Variants in DLG4 observed in about 807,000 individuals in gnomAD.
DLG4 encodes discs large MAGUK scaffold protein 4, also known as disks large homolog 4.
In DLG4, 7 loss-of-function variants were observed where a neutral mutation model predicts 93.8. The ratio of observed to expected loss-of-function variants is 0.07; its 90% CI spans 0.04 to 0.14. The LOEUF is 0.14. Among genes scored for constraint, DLG4 ranks in the 10% least tolerant of loss-of-function variants. DLG4 has a pLI of 1.00. For synonymous variants in DLG4, 341 were observed against 387.6 expected (o/e 0.88, Z 1.41); for missense variants, 545 against 992.9 (o/e 0.55, Z 6.06).
chr17:7,212,031 A>T (rs372474416), intron 1 of DLG4, among the ~76,000 whole-genome samples: 1 of 151,792 alleles, frequency 6.6e-6, no homozygotes, highest in East Asian at 1.9e-4. Context: ...GTTCTCAGGG[A>T]CCCCTTATTC....
chr17:7,196,685 C>A lies in DLG4; in HGVS notation c.1083+72G>T, dbSNP rs2069805927. Reference sequence around the variant, plus strand: ...AGGACTCGGCTGCAGCCCATCCAGGCCCCTCCCCAAGAGCTCTGCGCTCTG... The same window carrying A: ...AGGACTCGGCTGCAGCCCATCCAGGACCCTCCCCAAGAGCTCTGCGCTCTG... On this transcript the variant is annotated intron_variant, in intron 9 of 19. Transcript: ENST00000399506. This position sits in a 1 kb window ranked among gnomAD's most constrained non-coding sequence, Gnocchi z 8.3. The A allele has an allele frequency of 1.3e-6, 2 of 1,579,840 alleles. No individual in the cohort carries two copies. Among genetic ancestry groups the A allele is most frequent in the African/African-American group, 1.3e-5 (1 of 74,242 alleles).
intron 2 of DLG4, among the ~76,000 whole-genome samples, chr17:7,205,322 C>T (rs1039772040): frequency 1.3e-5 from 2 of 152,194 alleles, no homozygotes; most frequent in African/African-American, 4.8e-5. Context: ...CCAGGCGGGG[C>T]CCGCTTTAGC....
chr17:7,192,052 G>A (rs777435579), intron 17 of DLG4, 50 bp from the exon 18 acceptor site: 1 of 1,127,470 alleles, frequency 8.9e-7, no homozygotes, highest in South Asian at 1.9e-5. Flanking sequence ...GGCGAGAAAG[G>A]ACAGAGAGCA....
intron 8 of DLG4, among the ~76,000 whole-genome samples, chr17:7,197,796 T>C (rs2069877318): frequency 6.6e-6 from 1 of 152,102 alleles, no homozygotes; most frequent in African/African-American, 2.4e-5. Context: ...ATGAGGGAAA[T>C]TCTAACAGGG....
upstream of DLG4, chr17:7,218,791 G>C (rs781265872): frequency 6.2e-7 from 1 of 1,612,314 alleles, no homozygotes; most frequent in Admixed American, 1.7e-5. Context: ...CCCCCACTTC[G>C]CTCCCAGACC....
chr17:7,205,011 T>A, intron 2 of DLG4: 1 of 985,228 alleles, frequency 1.0e-6, no homozygotes, highest in Non-Finnish European at 1.2e-6. Flanking sequence ...ACCAAACTCC[T>A]GAGCGCAGAA....
At chr17:7,210,516 G>A (rs919585257) in intron 1 of DLG4, among the ~76,000 whole-genome samples, 2 of 152,228 alleles carry the variant, frequency 1.3e-5, no homozygotes, top group African/African-American at 4.8e-5. Context: ...CCAAGGCTGA[G>A]CTGTCTTGAA....
In DLG4 at chr17:7,193,469, G is replaced by T. The variant is rs371937532; in HGVS notation, c.1693+14C>A. On this transcript the variant is annotated intron_variant, in intron 16 of 19. Transcript: ENST00000399506. The surrounding 1 kb of genome is among the most constrained non-coding windows in gnomAD (Gnocchi z 6.7). ...ACTTCCACCTTCTCCTCCATCCAAG[G>T]CCCCAGCACTCACGGGGAACACAGG... is the stretch of plus-strand genomic sequence containing the variant. The T allele has an allele frequency of 8.5e-5, 129 of 1,519,556 alleles. No individual in the cohort carries two copies. The East Asian group carries it at 2.3e-3, about 27-fold the overall frequency. 94.1% of individuals were successfully genotyped at this position (1,519,556 alleles called of 1,614,324 possible). A position where few individuals can be genotyped will look rare whatever the true frequency, so the allele number is the denominator to read the frequency against.
chr17:7,219,444 C>T (rs1047624894), upstream of DLG4: 2 of 1,023,992 alleles, frequency 2.0e-6, no homozygotes, highest in African/African-American at 3.5e-5. Flanking sequence ...AGTGAATGGC[C>T]TACATCTCAG....
chr17:7,191,836 G>A lies in DLG4; in HGVS notation c.1976+57C>T, dbSNP rs558578452. 544 of 1,251,732 alleles carry A rather than the reference G, an allele frequency of 4.3e-4. No homozygotes were observed. Among genetic ancestry groups the A allele is most frequent in the Non-Finnish European group, 5.7e-4 (528 of 926,980 alleles). 77.5% of individuals were successfully genotyped at this position (1,251,732 alleles called of 1,614,324 possible). A position where few individuals can be genotyped will look rare whatever the true frequency, so the allele number is the denominator to read the frequency against. On this transcript the variant is annotated intron_variant, in intron 18 of 19. Transcript: ENST00000399506. This position sits in a 1 kb window ranked among gnomAD's most constrained non-coding sequence, Gnocchi z 6.6. ...AGAGTTGAACGCAGACGCCTTGTGA[G>A]GCCCAGGGCCACAGGTGTTGGGGGA...
At position 7,187,214 on chromosome 17, in the gene DLG4, G is replaced by A. The variant is rs892852696; in HGVS notation, c.*3494C>T. ...TATTTCTATATTTATTTGAATTGTT[G>A]TCAGGTACGTGTACTGATTATAATT... On this transcript the variant is annotated 3_prime_UTR_variant, in exon 20 of 20. Transcript: ENST00000399506. Among the ~76,000 whole-genome samples, 7 of 150,592 alleles carry A rather than the reference G, an allele frequency of 4.6e-5. No homozygotes were observed. Among genetic ancestry groups the A allele is most frequent in the Non-Finnish European group, 8.8e-5 (6 of 67,904 alleles).
rs2069317901 is a variant in DLG4 at position 7,187,269 on chromosome 17, G to C, written c.*3439C>G. 6.9e-6 allele frequency among the ~76,000 whole-genome samples: 1 copy of C among 144,594 alleles called. No individual in the cohort carries two copies. Among genetic ancestry groups the C allele is most frequent in the South Asian group, 2.2e-4 (1 of 4,528 alleles). 94.9% of individuals were successfully genotyped at this position (144,594 alleles called of 152,430 possible). On this transcript the variant is annotated 3_prime_UTR_variant, in exon 20 of 20. Coordinates refer to ENST00000399506, the MANE Select transcript of DLG4 (RefSeq NM_001321075.3). ...AAATAATGCATGCAGGCCAGGCGCGGTGGCTCATGCCTGTAATCCTAGCAC... is the reference window on the plus strand; with the variant it reads ...AAATAATGCATGCAGGCCAGGCGCGCTGGCTCATGCCTGTAATCCTAGCAC...
chr17:7,218,831 C>T (rs1465991062), upstream of DLG4: 10 of 1,613,736 alleles, frequency 6.2e-6, no homozygotes, highest in Non-Finnish European at 8.5e-6. Flanking sequence ...TGTTTTTCAC[C>T]TCTTGGTCTC....
At position 7,193,004 on chromosome 17, in the gene DLG4, G is replaced by C; in HGVS notation, c.1807C>G (p.Gln603Glu). The change falls in exon 17 of 20, where the codon CAG becomes GAG. Residue 603 changes from glutamine to glutamate, a missense_variant. By Grantham distance (29) the Gln-to-Glu change is conservative. Around this residue, in one of 5 missense-constraint regions of DLG4, gnomAD observed 428 missense variants for 741.4 expected, o/e 0.58. Coordinates refer to ENST00000399506, the MANE Select transcript of DLG4 (RefSeq NM_001321075.3). This position sits in a 1 kb window ranked among gnomAD's most constrained non-coding sequence, Gnocchi z 6.7. ...IQAHKFIEAG[Q>E]YNSHLYGTSV... ...GTCCCATAGAGGTGGCTGTTGTACT[G>C]GCCGGCCTCAATGAACTTGTGCGCC... 1 of 1,613,766 alleles carries C rather than the reference G, an allele frequency of 6.2e-7. No homozygotes were observed. Among genetic ancestry groups the C allele is most frequent in the Non-Finnish European group, 8.5e-7 (1 of 1,179,774 alleles).
At chr17:7,204,986 C>A in intron 2 of DLG4, 1 of 985,614 alleles carries the variant, frequency 1.0e-6, no homozygotes, top group Non-Finnish European at 1.2e-6. Context: ...GGGGGTGGGG[C>A]GTGGCCTGGG....
chr17:7,213,507 C>T (rs1294132065), intron 1 of DLG4, among the ~76,000 whole-genome samples: 1 of 152,068 alleles, frequency 6.6e-6, no homozygotes, highest in Non-Finnish European at 1.5e-5. Context: ...GAAGATTGCT[C>T]CCAAATATAT....
Position 7,193,766 on chromosome 17 carries a change from C to G in DLG4, c.1544-52G>C. On this transcript the variant is annotated intron_variant, in intron 14 of 19. Transcript: ENST00000399506. This position sits in a 1 kb window ranked among gnomAD's most constrained non-coding sequence, Gnocchi z 6.7. ...GGGCTCTGAAACAGGGGACCTGGAG[C>G]CCTGTCTCCCCCTTGAGGATATCAA... 1 of 1,609,292 alleles carries G rather than the reference C, an allele frequency of 6.2e-7. No individual in the cohort carries two copies. The highest frequency in any genetic ancestry group is 8.5e-7 in the Non-Finnish European group (1 of 1,177,504).
At chr17:7,206,567 TTGC>T (rs1342555477) in intron 2 of DLG4, among the ~76,000 whole-genome samples, 2 of 152,078 alleles carry the variant, frequency 1.3e-5, no homozygotes, top group Admixed American at 1.3e-4. Context: ...TGGCCCTGCC[TTGC>T]ACAAAGCATC....
In DLG4 at chr17:7,189,027, G is replaced by A. The variant is rs900707101; in HGVS notation, c.*1681C>T. Among the ~76,000 whole-genome samples the A allele has an allele frequency of 2.0e-5, 3 of 147,940 alleles. No homozygotes were observed. The highest frequency in any genetic ancestry group is 2.0e-4 in the East Asian group (1 of 4,912). The stretch of plus-strand genomic sequence containing the variant: ...TTCGAGAGGCTGAGGCAGGAGAACC[G>A]TGTGAACCCAGCAGGCAGAGGTTGC... On this transcript the variant is annotated 3_prime_UTR_variant, in exon 20 of 20. Transcript: ENST00000399506.
Sources: gnomAD v4.1 joint callset for allele counts (sites outside exome capture counted in the v4.1 genomes callset) on GRCh38, gnomAD v4.1.1 for gene constraint, gnomAD v4.1.1 regional missense constraint, Gnocchi (gnomAD v3.1) non-coding constraint, MANE v1.5 for transcripts, NCBI Gene and HGNC (gene_info 2026-07-23, HGNC 2026-07-21) for gene names.